Variants in QSOX1 observed in about 807,000 individuals in gnomAD.
QSOX1 encodes sulfhydryl oxidase 1.
Under a neutral mutation model 76.1 loss-of-function variants are expected in QSOX1, and 40 were observed. That is an observed-to-expected ratio of 0.53 (90% CI 0.41 to 0.68). The LOEUF is 0.68. Ranked by LOEUF, QSOX1 falls within the 30% of genes least tolerant of loss-of-function variation. The pLI is 0.00. For synonymous variants in QSOX1, 392 were observed against 413.1 expected (o/e 0.95, Z 0.62); for missense variants, 931 against 974.3 (o/e 0.96, Z 0.59).
At position 180,177,412 on chromosome 1, in the gene QSOX1, C is replaced by A. The variant is rs143589175; in HGVS notation, c.515+1379C>A. Among the ~76,000 whole-genome samples the A allele has an allele frequency of 7.2e-3, 1,097 of 152,260 alleles. 12 individuals carry two copies. The highest frequency in any genetic ancestry group is 0.025 in the African/African-American group (1,056 of 41,536). On this transcript the variant is annotated intron_variant, in intron 4 of 11. Transcript: ENST00000367602. The stretch of plus-strand genomic sequence containing the variant: ...GGGACTACAGGCGCCTGCCACCAAG[C>A]CTGGCTAATTTTTTGTATTTTTAGT...
chr1:180,156,168 C>T (rs1481803980), intron 1 of QSOX1, among the ~76,000 whole-genome samples: 2 of 152,196 alleles, frequency 1.3e-5, no homozygotes, highest in African/African-American at 2.4e-5. Context: ...ACTAAGTACT[C>T]GGCATACATT....
Position 180,175,306 on chromosome 1 carries a change from TG to T in QSOX1, c.367-14del. The T allele has an allele frequency of 6.2e-7, 1 of 1,613,882 alleles. No individual in the cohort carries two copies. Among genetic ancestry groups the T allele is most frequent in the Admixed American group, 1.7e-5 (1 of 60,022 alleles). ...ACTATCTATTACTGATGCCCACCTG[TG>T]TGTTTGCTTCCAGTTCTTCAAGGCC... On this transcript the variant is annotated splice_polypyrimidine_tract_variant and intron_variant, in intron 2 of 11. Coordinates refer to ENST00000367602, the MANE Select transcript of QSOX1 (RefSeq NM_002826.5).
rs942417257 is a variant in QSOX1 at position 180,195,000 on chromosome 1, G to GC, written c.1468+608_1468+609insC. 8.1e-4 allele frequency among the ~76,000 whole-genome samples: 123 copies of GC among 151,318 alleles called. 2 individuals carry two copies. The highest frequency in any genetic ancestry group is 1.0e-3 in the East Asian group (5 of 4,918). On this transcript the variant is annotated intron_variant, in intron 11 of 11. Coordinates refer to ENST00000367602, the MANE Select transcript of QSOX1 (RefSeq NM_002826.5). Reference sequence around the variant, plus strand: ...CACGTGGCTGTGACAGCCTCCCGGGGGGGGGAGACCAGGGCGGAGCCGAGG... The same window carrying GC: ...CACGTGGCTGTGACAGCCTCCCGGGGCGGGGGAGACCAGGGCGGAGCCGAGG...
At chr1:180,190,371 G>A (rs1293677314) in intron 9 of QSOX1, 62 bp from the exon 10 acceptor site, 2 of 1,540,522 alleles carry the variant, frequency 1.3e-6, no homozygotes, top group African/African-American at 1.4e-5. Flanking sequence ...AGAAGCTTCT[G>A]TCTCTGCCTC....
chr1:180,175,156 C>CA (rs397982130), intron 2 of QSOX1, among the ~76,000 whole-genome samples, 165 bp from the exon 3 acceptor site: 98,441 of 136,526 alleles, frequency 0.72, 34,947 homozygotes, highest in Non-Finnish European at 0.78. Flanking sequence ...GACTCTGTCT[C>CA]AAAAAAAAAA....
At position 180,186,013 on chromosome 1, in the gene QSOX1, T is replaced by C. The variant is rs186142995; in HGVS notation, c.888-40T>C. 4.0e-4 allele frequency: 645 copies of C among 1,609,550 alleles called. 3 individuals are homozygous for C. The highest frequency in any genetic ancestry group is 1.2e-3 in the Middle Eastern group (7 of 6,040). ...CTCCTTGCAGCCCCTGCACCATGGT[T>C]AATACTTCTTTCTCTCTCTATCTCC... On this transcript the variant is annotated intron_variant, in intron 7 of 11. Coordinates refer to ENST00000367602, the MANE Select transcript of QSOX1 (RefSeq NM_002826.5).
At chr1:180,182,421 C>T in intron 6 of QSOX1, 102 bp downstream of exon 6, 1 of 1,465,620 alleles carries the variant, frequency 6.8e-7, no homozygotes, top group South Asian at 1.3e-5. Context: ...CCAACATGTT[C>T]TTTCTGAAGA....
intron 10 of QSOX1, 57 bp from the exon 11 acceptor site, chr1:180,194,156 C>T (rs528782449): frequency 4.9e-5 from 74 of 1,523,108 alleles, no homozygotes; most frequent in Middle Eastern, 4.7e-4. Context: ...GGGGAGGCAA[C>T]GGCTGTGGGG....
rs1358574327 is a variant in QSOX1, at chr1:180,196,356, G to C, written c.1563G>C (p.Val521=). 6 of 1,614,190 alleles carry C rather than the reference G, an allele frequency of 3.7e-6. No individual in the cohort carries two copies. The highest frequency in any genetic ancestry group is 5.1e-6 in the Non-Finnish European group (6 of 1,180,036). ...ACAATGAACGCCTGGATGTGCCCGT[G>C]TGGGACGTGGAAGCCACCCTCAACT... is the stretch of plus-strand genomic sequence containing the variant. ...ACHNERLDVP[V]WDVEATLNFL... Residue 521 remains valine (V), a synonymous_variant, in exon 12 of 12, where the codon GTG becomes GTC. Coordinates refer to ENST00000367602, the MANE Select transcript of QSOX1 (RefSeq NM_002826.5). This position sits in a 1 kb window ranked among gnomAD's most constrained non-coding sequence, Gnocchi z 4.1.
chr1:180,189,543 TC>T lies in QSOX1; in HGVS notation c.1018-5del. On this transcript the variant is annotated splice_region_variant and splice_polypyrimidine_tract_variant and intron_variant, in intron 8 of 11. Coordinates refer to ENST00000367602, the MANE Select transcript of QSOX1 (RefSeq NM_002826.5). ...TCACTCTCCAGCTTCCGCTTGTTCC[TC>T]CCCACAGTATTTCCCTGGCCGGCCC... 1 of 1,561,772 alleles carries T rather than the reference TC, an allele frequency of 6.4e-7. No individual in the cohort carries two copies.
At chr1:180,175,867 C>CCAGT (rs2149235773) in intron 3 of QSOX1, 64 bp from the exon 4 acceptor site, 1 of 1,302,460 alleles carries the variant, frequency 7.7e-7, no homozygotes, top group East Asian at 2.5e-5. Flanking sequence ...GTGAAGGTGG[C>CCAGT]CAGTGTGCTG....
In QSOX1 at chr1:180,197,076, C is replaced by A; in HGVS notation, c.*39C>A. The A allele has an allele frequency of 6.4e-7, 1 of 1,569,302 alleles. No individual in the cohort carries two copies. The highest frequency in any genetic ancestry group is 1.2e-5 in the South Asian group (1 of 84,534). ...GAGGCGGGAGAGGGAGCTGCCATCT[C>A]TAGGCACCTCAAGCCCCCTGACCCC... On this transcript the variant is annotated 3_prime_UTR_variant, in exon 12 of 12. Transcript: ENST00000367602.
intron 3 of QSOX1, 28 bp from the exon 4 acceptor site, chr1:180,175,903 C>G: frequency 6.5e-7 from 1 of 1,542,168 alleles, no homozygotes; most frequent in Non-Finnish European, 8.8e-7. Context: ...TCTCCTGACA[C>G]TCCGCTCACG....
At position 180,186,187 on chromosome 1, in the gene QSOX1, G is replaced by C; in HGVS notation, c.1017+5G>C. On this transcript the variant is annotated splice_donor_5th_base_variant and intron_variant, in intron 8 of 11. Transcript: ENST00000367602. ...TTTGTGGCAGTGCTGGCCAAGGTGA[G>C]CAGGGCCATGGCTTCCCTTGTCTGT... The C allele has an allele frequency of 6.2e-7, 1 of 1,610,712 alleles. No homozygotes were observed.
At chr1:180,174,630 G>A (rs564951937) in intron 2 of QSOX1, among the ~76,000 whole-genome samples, 5 of 152,338 alleles carry the variant, frequency 3.3e-5, no homozygotes, top group African/African-American at 1.2e-4. Flanking sequence ...AGATGAGTCT[G>A]CAAAGGAAAA....
At chr1:180,176,765 T>A (rs1431323892) in intron 4 of QSOX1, among the ~76,000 whole-genome samples, 1 of 152,104 alleles carries the variant, frequency 6.6e-6, no homozygotes, top group African/African-American at 2.4e-5. Context: ...AAGGAACAAA[T>A]CCATGTACCA....
intron 1 of QSOX1, among the ~76,000 whole-genome samples, chr1:180,158,962 A>C (rs1000125978): frequency 6.6e-6 from 1 of 152,208 alleles, no homozygotes; most frequent in African/African-American, 2.4e-5. Context: ...ACGGTGCTGC[A>C]GCCAGTTAAA....
At chr1:180,183,778 A>T (rs985214814) in intron 6 of QSOX1, 138 bp from the exon 7 acceptor site, 59 of 1,017,788 alleles carry the variant, frequency 5.8e-5, no homozygotes, top group Non-Finnish European at 8.2e-5. Flanking sequence ...CTCACAGAGG[A>T]CAAGATGGAA....
chr1:180,197,104 T>TTGC lies in QSOX1; in HGVS notation c.*67_*68insTGC. On this transcript the variant is annotated 3_prime_UTR_variant, in exon 12 of 12. Transcript: ENST00000367602. ...GGCACCTCAAGCCCCCTGACCCCATTCCCTCCCCTCCCACCCCTTGCTCCT... is the reference window on the plus strand; with the variant it reads ...GGCACCTCAAGCCCCCTGACCCCATTTGCCCCTCCCCTCCCACCCCTTGCTCCT... 6.7e-7 allele frequency: 1 copy of TTGC among 1,484,652 alleles called. No individual in the cohort carries two copies. Among genetic ancestry groups the TTGC allele is most frequent in the Non-Finnish European group, 9.0e-7 (1 of 1,108,614 alleles). The allele number at this position is 1,484,652 out of a possible 1,614,324, so 92.0% of individuals were successfully genotyped here. A position where few individuals can be genotyped will look rare whatever the true frequency, so the allele number is the denominator to read the frequency against.
Sources: allele counts gnomAD v4.1 joint callset (sites outside exome capture counted in the v4.1 genomes callset), GRCh38; gene constraint gnomAD v4.1.1; non-coding constraint Gnocchi (gnomAD v3.1); transcripts MANE v1.5; gene names NCBI Gene and HGNC (gene_info 2026-07-23, HGNC 2026-07-21).